Variants in SMURF1 observed in about 807,000 individuals in gnomAD.
The protein encoded by SMURF1 is SMAD specific E3 ubiquitin protein ligase 1, also known as E3 ubiquitin-protein ligase SMURF1.
A neutral mutation model predicts 98.0 loss-of-function variants in SMURF1; 44 were observed. The observed-to-expected ratio is 0.45, with a 90% CI of 0.35 to 0.58. The LOEUF is 0.58. Among genes scored for constraint, SMURF1 ranks in the 20% least tolerant of loss-of-function variants. SMURF1 has a pLI of 0.00. For missense variants in SMURF1, 687 were observed against 938.4 expected, an observed-to-expected ratio of 0.73 and a Z score of 3.50; for synonymous variants, 396 against 374.9, an observed-to-expected ratio of 1.06 and a Z score of -0.65.
At chr7:99,035,304 C>T (rs1795093569) in intron 16 of SMURF1, 3 of 612,742 alleles carry the variant, frequency 4.9e-6, no homozygotes, top group South Asian at 2.0e-5. Context: ...AGTGGCTCCA[C>T]AGTCTTTGCT....
chr7:99,099,600 G>T, intron 1 of SMURF1, among the ~76,000 whole-genome samples: 1 of 152,082 alleles, frequency 6.6e-6, no homozygotes, highest in Admixed American at 6.5e-5. Flanking sequence ...CCCCACTGTG[G>T]CAGCGGTGGG....
intron 1 of SMURF1, among the ~76,000 whole-genome samples, chr7:99,136,370 G>A (rs562498938): frequency 2.6e-5 from 4 of 152,000 alleles, no homozygotes; most frequent in Middle Eastern, 3.4e-3. Flanking sequence ...TTTCATTTTC[G>A]TATCCATTAC....
chr7:99,037,078 T>G lies in SMURF1; in HGVS notation c.1798A>C (p.Lys600Gln), dbSNP rs758481494. 6.2e-7 allele frequency: 1 copy of G among 1,613,808 alleles called. No individual in the cohort carries two copies. The highest frequency in any genetic ancestry group is 8.5e-7 in the Non-Finnish European group (1 of 1,180,030). ...CAGCAGGCACATACCTCCAGTTCCTTCTGGTCAAAAGGCTTCAGCAGATGT... is the reference window on the plus strand; with the variant it reads ...CAGCAGGCACATACCTCCAGTTCCTGCTGGTCAAAAGGCTTCAGCAGATGT... ...PQHLLKPFDQKELELIIGGLD... is the reference protein window; with the variant it reads ...PQHLLKPFDQQELELIIGGLD... Residue 600 changes from lysine (K) to glutamine (Q), a missense_variant, in exon 15 of 18, where the codon AAG (lysine) becomes CAG (glutamine). By Grantham distance (53) the Lys-to-Gln change is moderately conservative. Transcript: ENST00000361368.
Position 99,063,263 on chromosome 7 carries a change from ATATATATATATATATATATAT to A in SMURF1, c.56-1447_56-1427del, listed in dbSNP as rs1563012724. ...TATTTATATATATATATATATATAT[ATATATATATATATATATATAT>A]ATATATATATATATATATATAAAAA... On this transcript the variant is annotated intron_variant, in intron 1 of 17. Coordinates refer to ENST00000361368, the MANE Select transcript of SMURF1 (RefSeq NM_181349.3). 8.3e-3 allele frequency among the ~76,000 whole-genome samples: 68 copies of A among 8,240 alleles called. 3 individuals carry two copies. The highest frequency in any genetic ancestry group is 0.019 in the African/African-American group (65 of 3,376). The allele number at this position is 8,240 out of a possible 152,430, so 5.4% of individuals were successfully genotyped here.
At chr7:99,135,751 A>C (rs1310755089) in intron 1 of SMURF1, among the ~76,000 whole-genome samples, 3 of 152,248 alleles carry the variant, frequency 2.0e-5, no homozygotes, top group African/African-American at 7.2e-5. Context: ...CCATAAGAAA[A>C]AAGTCCTACA....
At chr7:99,134,357 C>G (rs924074684) in intron 1 of SMURF1, among the ~76,000 whole-genome samples, 2 of 152,052 alleles carry the variant, frequency 1.3e-5, no homozygotes, top group African/African-American at 4.8e-5. Context: ...AGGAACCACG[C>G]GAGAACCCTT....
intron 8 of SMURF1, chr7:99,050,917 G>C (rs1217602214): frequency 1.7e-5 from 26 of 1,549,246 alleles, no homozygotes; most frequent in Non-Finnish European, 2.2e-5. Context: ...TCTCTAACCT[G>C]GGCTCAGATG....
chr7:99,119,984 G>A (rs975993115), intron 1 of SMURF1, among the ~76,000 whole-genome samples: 15 of 152,182 alleles, frequency 9.9e-5, no homozygotes, highest in African/African-American at 3.1e-4. Flanking sequence ...CTCCAGTGCT[G>A]GAGATGGGGC....
chr7:99,122,366 G>A (rs1053092796), intron 1 of SMURF1, among the ~76,000 whole-genome samples: 19 of 147,770 alleles, frequency 1.3e-4, no homozygotes, highest in South Asian at 4.3e-4. Flanking sequence ...AAAAAAGGCC[G>A]GGCGCAGTGG....
rs192622708 is a variant in SMURF1, at chr7:99,095,360, G to A, written c.56-33523C>T. ...CTCCTAAAGTGCTGGGATTACAGGC[G>A]TGAGCCACCGCAGGCGGACTGTTTT... On this transcript the variant is annotated intron_variant, in intron 1 of 17. Transcript: ENST00000361368. 7.2e-5 allele frequency among the ~76,000 whole-genome samples: 11 copies of A among 152,276 alleles called. No homozygotes were observed. The East Asian group carries it at 9.7e-4, about 13-fold the overall frequency.
At chr7:99,032,717 T>C (rs1413856887) in intron 17 of SMURF1, among the ~76,000 whole-genome samples, 1 of 152,168 alleles carries the variant, frequency 6.6e-6, no homozygotes, top group African/African-American at 2.4e-5. Context: ...TTTTAGGTTA[T>C]ATATACTGTA....
intron 3 of SMURF1, 92 bp from the exon 4 acceptor site, chr7:99,057,643 C>T: frequency 7.3e-7 from 1 of 1,378,740 alleles, no homozygotes; most frequent in South Asian, 1.7e-5. Context: ...TGCTCTGTTG[C>T]CCCCAGGCTG....
At chr7:99,039,047 G>A (rs776044695) in intron 13 of SMURF1, among the ~76,000 whole-genome samples, 7 of 151,864 alleles carry the variant, frequency 4.6e-5, no homozygotes, top group Non-Finnish European at 7.4e-5. Flanking sequence ...CAAAAAATTA[G>A]CCAGGTGTGG....
chr7:99,071,779 G>A (rs548448992), intron 1 of SMURF1, among the ~76,000 whole-genome samples: 5 of 152,224 alleles, frequency 3.3e-5, no homozygotes, highest in African/African-American at 7.2e-5. Context: ...GTTTTACAGC[G>A]GAACAAGGGC....
At chr7:99,079,686 T>C (rs1796540983) in intron 1 of SMURF1, among the ~76,000 whole-genome samples, 1 of 152,064 alleles carries the variant, frequency 6.6e-6, no homozygotes, top group South Asian at 2.1e-4. Context: ...TAAATATACA[T>C]CCTAAATAAA....
intron 1 of SMURF1, among the ~76,000 whole-genome samples, chr7:99,080,448 C>T (rs1475503037): frequency 6.6e-6 from 1 of 152,122 alleles, no homozygotes; most frequent in Non-Finnish European, 1.5e-5. Flanking sequence ...TACAAGCATG[C>T]ACCACTACAC....
chr7:99,142,680 G>T (rs1440528361), intron 1 of SMURF1, among the ~76,000 whole-genome samples: 1 of 135,510 alleles, frequency 7.4e-6, no homozygotes, highest in Non-Finnish European at 1.6e-5. Context: ...GGAGTGAGAA[G>T]AGGGTGGGTG....
rs774494918 is a variant in SMURF1, at chr7:99,047,812, C to T, written c.1024G>A (p.Glu342Lys). ...CTTTCGTATCTCTGGGCAGGAAGCT[C>T]CTCGTCCTCCAGAGAGCCCTCACTG... ...LPSEGSLEDE[E>K]LPAQRYERDL... Residue 342 changes from glutamate to lysine, a missense_variant, in exon 10 of 18, where the codon GAG (glutamate) becomes AAG (lysine). Around this residue, in one of 2 missense-constraint regions of SMURF1, gnomAD observed 415 missense variants for 508.4 expected, o/e 0.82. Coordinates refer to ENST00000361368, the MANE Select transcript of SMURF1 (RefSeq NM_181349.3). The T allele has an allele frequency of 6.2e-6, 10 of 1,614,084 alleles. No individual in the cohort carries two copies. The highest frequency in any genetic ancestry group is 8.5e-7 in the Non-Finnish European group (1 of 1,180,048).
chr7:99,095,092 A>ATTTTC, intron 1 of SMURF1, among the ~76,000 whole-genome samples: 1 of 151,188 alleles, frequency 6.6e-6, no homozygotes, highest in Admixed American at 6.6e-5. Flanking sequence ...ATTTTATTTT[A>ATTTTC]CTTTTGAGAT....
Sources: gnomAD v4.1 joint callset for allele counts (sites outside exome capture counted in the v4.1 genomes callset) on GRCh38, gnomAD v4.1.1 for gene constraint, gnomAD v4.1.1 regional missense constraint, MANE v1.5 for transcripts, NCBI Gene and HGNC (gene_info 2026-07-23, HGNC 2026-07-21) for gene names.